Variants in FAM234B observed in about 807,000 individuals in gnomAD.
The protein encoded by FAM234B is family with sequence similarity 234 member B.
FAM234B carries 33 observed loss-of-function variants against 69.3 expected under a neutral mutation model. That is an observed-to-expected ratio of 0.48 (90% CI 0.36 to 0.64). FAM234B has a LOEUF of 0.64. FAM234B is among the 30% of genes least tolerant of loss of function. The pLI is 0.00. For missense variants in FAM234B, 697 were observed against 769.7 expected (o/e 0.91, Z 1.12); for synonymous variants, 306 against 306.9 (o/e 1.00, Z 0.03).
intron 2 of FAM234B, among the ~76,000 whole-genome samples, chr12:13,056,666 C>G (rs980230083): frequency 6.6e-6 from 1 of 152,180 alleles, no homozygotes; most frequent in Non-Finnish European, 1.5e-5. Context: ...GTGTTCTCAT[C>G]TTTAGTTTCT....
chr12:13,074,158 C>T (rs558626047), intron 10 of FAM234B, among the ~76,000 whole-genome samples: 2 of 152,248 alleles, frequency 1.3e-5, no homozygotes, highest in Middle Eastern at 3.4e-3. Flanking sequence ...GTATGAGTTT[C>T]CTCTGGTGCA....
chr12:13,061,530 T>G (rs372483932), intron 3 of FAM234B, 45 bp from the exon 4 acceptor site: 49 of 1,536,978 alleles, frequency 3.2e-5, no homozygotes, highest in Middle Eastern at 4.4e-4. Context: ...GCCTCTTATC[T>G]CCTTTGCCTG....
Position 13,068,670 on chromosome 12 carries a change from G to T in FAM234B, c.1327G>T (p.Asp443Tyr). ...PGYFTDDQTL[D>Y]FLLQIQDGVG... Reference sequence around the variant, plus strand: ...ATATTTCACTGATGATCAGACATTAGATTTCCTTCTGCAGATACAGGATGG... The same window carrying T: ...ATATTTCACTGATGATCAGACATTATATTTCCTTCTGCAGATACAGGATGG... The change falls in exon 9 of 13, where the codon GAT (aspartate) becomes TAT (tyrosine). Residue 443 changes from aspartate to tyrosine, a missense_variant. By Grantham distance (160) the Asp-to-Tyr change is radical (BLOSUM62 -3). Transcript: ENST00000197268. 6.2e-7 allele frequency: 1 copy of T among 1,613,176 alleles called. No homozygotes were observed. The highest frequency in any genetic ancestry group is 1.1e-5 in the South Asian group (1 of 91,002).
At chr12:13,061,174 C>A (rs1012593287) in intron 3 of FAM234B, among the ~76,000 whole-genome samples, 1 of 152,140 alleles carries the variant, frequency 6.6e-6, no homozygotes, top group African/African-American at 2.4e-5. Flanking sequence ...ACTACTTTTT[C>A]GCATTCTTGA....
At chr12:13,064,577 G>T (rs569468868) in intron 5 of FAM234B, among the ~76,000 whole-genome samples, 26 of 152,264 alleles carry the variant, frequency 1.7e-4, no homozygotes, top group African/African-American at 6.3e-4. Flanking sequence ...TGCCCTTTGT[G>T]TTGGTCTCTA....
At chr12:13,080,071 C>G in intron 12 of FAM234B, 62 bp downstream of exon 12, 1 of 1,276,016 alleles carries the variant, frequency 7.8e-7, no homozygotes, top group East Asian at 2.5e-5. Flanking sequence ...CCAATTCCAG[C>G]TTTGTCTTTA....
chr12:13,060,387 A>G (rs888970899), intron 3 of FAM234B, among the ~76,000 whole-genome samples: 1 of 152,206 alleles, frequency 6.6e-6, no homozygotes. Flanking sequence ...ATGGTTACAC[A>G]CAGACTGCCG....
intron 1 of FAM234B, among the ~76,000 whole-genome samples, chr12:13,050,243 A>G (rs1316953397): frequency 6.6e-6 from 1 of 152,164 alleles, no homozygotes; most frequent in Non-Finnish European, 1.5e-5. Context: ...TCTCAGTCCT[A>G]GGGGACCTTT....
At chr12:13,075,390 G>C (rs1865147530) in intron 10 of FAM234B, among the ~76,000 whole-genome samples, 1 of 151,476 alleles carries the variant, frequency 6.6e-6, no homozygotes, top group Non-Finnish European at 1.5e-5. Flanking sequence ...CATCTTGTCA[G>C]ATTCCTCTCT....
chr12:13,066,097 C>T (rs1865033334), intron 5 of FAM234B, among the ~76,000 whole-genome samples: 1 of 152,174 alleles, frequency 6.6e-6, no homozygotes, highest in Non-Finnish European at 1.5e-5. Flanking sequence ...ACAAGAACAG[C>T]AGAGTAGAAT....
At chr12:13,045,206 C>T (rs1206213050) in intron 1 of FAM234B, among the ~76,000 whole-genome samples, 3 of 147,106 alleles carry the variant, frequency 2.0e-5, no homozygotes, top group Non-Finnish European at 3.0e-5. Flanking sequence ...GGCAGCAGCT[C>T]CAAGTTTTTT....
chr12:13,070,111 G>A (rs1049474675), intron 9 of FAM234B, among the ~76,000 whole-genome samples: 3 of 148,864 alleles, frequency 2.0e-5, no homozygotes, highest in African/African-American at 7.5e-5. Flanking sequence ...TAATAATATT[G>A]CCTGCCTTCA....
Position 13,068,335 on chromosome 12 carries a change from G to T in FAM234B, c.1174G>T (p.Ala392Ser). 6.2e-7 allele frequency: 1 copy of T among 1,614,156 alleles called. No homozygotes were observed. ...TGTTGAACTACTCCAGATGGTGAAG[G>T]CACCAGATTCCAACTGCAGCAACCT... is the stretch of plus-strand genomic sequence containing the variant. The part of the protein sequence containing the change: ...DGVELLQMVK[A>S]PDSNCSNLLI... The change falls in exon 8 of 13, where the codon GCA becomes TCA. Residue 392 changes from alanine to serine, a missense_variant. Ala to Ser is a moderately conservative substitution (Grantham distance 99, BLOSUM62 1). Around this residue, in one of 3 missense-constraint regions of FAM234B, gnomAD observed 313 missense variants for 305.5 expected, o/e 1.02. Coordinates refer to ENST00000197268, the MANE Select transcript of FAM234B (RefSeq NM_020853.2).
intron 10 of FAM234B, among the ~76,000 whole-genome samples, chr12:13,073,222 T>G (rs1260152038): frequency 6.6e-6 from 1 of 151,880 alleles, no homozygotes; most frequent in East Asian, 1.9e-4. Context: ...CTCGAACTCC[T>G]GGGCTCAAGC....
At chr12:13,066,595 C>T (rs767444785) in intron 5 of FAM234B, 45 bp from the exon 6 acceptor site, 22 of 1,558,138 alleles carry the variant, frequency 1.4e-5, no homozygotes, top group South Asian at 4.9e-5. Context: ...CATTAGCAAA[C>T]GATAGGGCTT....
chr12:13,064,442 A>G (rs1436549073), intron 5 of FAM234B, among the ~76,000 whole-genome samples: 6 of 152,168 alleles, frequency 3.9e-5, no homozygotes, highest in Non-Finnish European at 8.8e-5. Flanking sequence ...TCTTGGTCTA[A>G]CCATCCCGTC....
intron 1 of FAM234B, among the ~76,000 whole-genome samples, chr12:13,054,663 A>G (rs1224137906): frequency 6.6e-6 from 1 of 152,128 alleles, no homozygotes; most frequent in Non-Finnish European, 1.5e-5. Context: ...CAAAAGAAAC[A>G]TTTTCTTGGT....
chr12:13,055,007 A>T (rs1864913636), intron 1 of FAM234B, among the ~76,000 whole-genome samples: 1 of 152,254 alleles, frequency 6.6e-6, no homozygotes, highest in Admixed American at 6.5e-5. Flanking sequence ...GTGAGATTTC[A>T]ATACATCTTC....
chr12:13,058,320 A>C, intron 2 of FAM234B, 131 bp from the exon 3 acceptor site: 1 of 725,932 alleles, frequency 1.4e-6, no homozygotes, highest in Admixed American at 1.9e-5. Context: ...CAGGGGGAGT[A>C]GGGAGAGGTG....
Sources: allele counts gnomAD v4.1 joint callset (sites outside exome capture counted in the v4.1 genomes callset), GRCh38; gene constraint gnomAD v4.1.1; regional missense constraint gnomAD v4.1.1; transcripts MANE v1.5; gene names NCBI Gene and HGNC (gene_info 2026-07-23, HGNC 2026-07-21).